ALG1: variants seen among roughly 807,000 people sequenced by gnomAD.
The protein encoded by ALG1 is ALG1 chitobiosyldiphosphodolichol beta-mannosyltransferase, also known as chitobiosyldiphosphodolichol beta-mannosyltransferase.
ALG1 carries 58 observed loss-of-function variants against 55.1 expected under a neutral mutation model. The ratio of observed to expected loss-of-function variants is 1.05; its 90% CI spans 0.85 to 1.31. The LOEUF (loss-of-function observed/expected upper bound fraction) is 1.31. Ranked by LOEUF, ALG1 falls within the 50% of genes most tolerant of loss-of-function variation. The pLI is 0.00. For synonymous variants in ALG1, 309 were observed against 247.0 expected, an observed-to-expected ratio of 1.25 and a Z score of -2.35; for missense variants, 761 against 598.6, an observed-to-expected ratio of 1.27 and a Z score of -2.83.
intron 9 of ALG1, among the ~76,000 whole-genome samples, chr16:5,080,710 G>A (rs773117863): frequency 2.0e-5 from 3 of 152,240 alleles, no homozygotes; most frequent in Non-Finnish European, 2.9e-5. Context: ...TTTGCAGCCC[G>A]AGGCCAGCTG....
intron 3 of ALG1, among the ~76,000 whole-genome samples, chr16:5,074,786 C>G (rs183269349): frequency 6.6e-6 from 1 of 152,148 alleles, no homozygotes; most frequent in Admixed American, 6.5e-5. Flanking sequence ...TGTTGTTAGA[C>G]CTTTTTAGAA....
At position 5,078,502 on chromosome 16, in the gene ALG1, G is replaced by A. The variant is rs537798675; in HGVS notation, c.741-255G>A. On this transcript the variant is annotated intron_variant, in intron 6 of 12. Transcript: ENST00000262374. ...TCCCTGCACCCTCATCTTGAGTCCA[G>A]GGGATGATAAGACAGTAAGTCCCGT... 5.1e-4 allele frequency: 371 copies of A among 721,944 alleles called. 3 individuals are homozygous for A. In the South Asian group the frequency reaches 5.3e-3, roughly 10 times the overall value. The allele number at this position is 721,944 out of a possible 1,614,324, so 44.7% of individuals were successfully genotyped here.
chr16:5,077,162 T>TA (rs909407222), intron 4 of ALG1, among the ~76,000 whole-genome samples: 4 of 152,196 alleles, frequency 2.6e-5, no homozygotes, highest in Non-Finnish European at 4.4e-5. Flanking sequence ...TTTATTTTTT[T>TA]AAATTTGTAT....
intron 5 of ALG1, 115 bp downstream of exon 5, chr16:5,077,649 G>C: frequency 8.5e-7 from 1 of 1,172,066 alleles, no homozygotes; most frequent in African/African-American, 1.5e-5. Flanking sequence ...AAATACTGAG[G>C]GCCTGGGAGG....
chr16:5,082,672 T>A lies in ALG1; in HGVS notation c.1186T>A (p.Cys396Ser). The change falls in exon 11 of 13, where the codon TGT (cysteine) becomes AGT (serine). Residue 396 changes from cysteine (C) to serine (S), a missense_variant and splice_region_variant. Transcript: ENST00000262374. ...GCCTGTGTGTGCTGTGAACTTCAAGTGGTAGGAGCAGAACCCAAATCCTTC... is the reference window on the plus strand; with the variant it reads ...GCCTGTGTGTGCTGTGAACTTCAAGAGGTAGGAGCAGAACCCAAATCCTTC... ...CLPVCAVNFKCLHELVKHEEN... is the reference protein window; with the variant it reads ...CLPVCAVNFKSLHELVKHEEN... The A allele has an allele frequency of 6.2e-7, 1 of 1,611,304 alleles. No homozygotes were observed. The highest frequency in any genetic ancestry group is 8.5e-7 in the Non-Finnish European group (1 of 1,179,832).
At position 5,080,972 on chromosome 16, in the gene ALG1, A is replaced by G. The variant is rs764029645; in HGVS notation, c.988A>G (p.Ser330Gly). 1.3e-6 allele frequency: 2 copies of G among 1,596,356 alleles called. No individual in the cohort carries two copies. The highest frequency in any genetic ancestry group is 3.3e-5 in the Admixed American group (2 of 60,016). The change falls in exon 10 of 13, where the codon AGC (serine) becomes GGC (glycine). Residue 330 changes from serine (S) to glycine (G), a missense_variant. Coordinates refer to ENST00000262374, the MANE Select transcript of ALG1 (RefSeq NM_019109.5). The stretch of plus-strand genomic sequence containing the variant: ...CAAAGGGCCTCTGAGGGAGTATTAT[A>G]GCCGCCTCATCCACCAGAAGCACTT... ...TGKGPLREYYSRLIHQKHFQH... is the reference protein window; with the variant it reads ...TGKGPLREYYGRLIHQKHFQH...
At position 5,071,903 on chromosome 16, in the gene ALG1, G is replaced by A. The variant is rs1198064332; in HGVS notation, c.54G>A (p.Leu18=). ...CGCTGTGTCTGCTGCTGCCGCTGCT[G>A]CTGCTGGGAGGATGGAAGCGCTGGC... ...LLALCLLLPL[L]LLGGWKRWRR... is the part of the protein sequence containing the mutation. Residue 18 remains leucine (L), a synonymous_variant, in exon 1 of 13, where the codon CTG becomes CTA. Coordinates refer to ENST00000262374, the MANE Select transcript of ALG1 (RefSeq NM_019109.5). The A allele has an allele frequency of 1.3e-6, 2 of 1,599,622 alleles. No homozygotes were observed. Among genetic ancestry groups the A allele is most frequent in the South Asian group, 1.1e-5 (1 of 89,476 alleles).
rs1482144886 is a variant in ALG1, at chr16:5,086,696, A to G, written c.*1815A>G. 2 of 148,920 alleles carry G rather than the reference A, an allele frequency of 1.3e-5. No homozygotes were observed. Among genetic ancestry groups the G allele is most frequent in the Non-Finnish European group, 3.0e-5 (2 of 67,220 alleles). 9.2% of individuals were successfully genotyped at this position (148,920 alleles called of 1,614,324 possible). ...TCTTTTATTATTTGTTTTTAGACGA[A>G]GTTTTACTCTGTTCCCCAGGCTGGA... is the stretch of plus-strand genomic sequence containing the variant. On this transcript the variant is annotated 3_prime_UTR_variant, in exon 13 of 13. Transcript: ENST00000262374.
In ALG1 at chr16:5,079,522, C is replaced by G. The variant is rs184848278; in HGVS notation, c.902-226C>G. Reference sequence around the variant, plus strand: ...CTGGCCAACAGGGCGAAACCTGTCTCTACTAAAAATACAAAAATTAGCTAG... The same window carrying G: ...CTGGCCAACAGGGCGAAACCTGTCTGTACTAAAAATACAAAAATTAGCTAG... On this transcript the variant is annotated intron_variant, in intron 8 of 12. Coordinates refer to ENST00000262374, the MANE Select transcript of ALG1 (RefSeq NM_019109.5). 5.9e-4 allele frequency among the ~76,000 whole-genome samples: 90 copies of G among 152,274 alleles called. 1 individual carries two copies. Among genetic ancestry groups the G allele is most frequent in the African/African-American group, 2.0e-3 (83 of 41,548 alleles).
In ALG1 at chr16:5,085,857, A is replaced by C. The variant is rs886715765; in HGVS notation, c.*976A>C. 8 of 784,170 alleles carry C rather than the reference A, an allele frequency of 1.0e-5. No individual in the cohort carries two copies. The highest frequency in any genetic ancestry group is 1.6e-5 in the Non-Finnish European group (7 of 440,764). 48.6% of individuals were successfully genotyped at this position (784,170 alleles called of 1,614,324 possible). On this transcript the variant is annotated 3_prime_UTR_variant, in exon 13 of 13. Coordinates refer to ENST00000262374, the MANE Select transcript of ALG1 (RefSeq NM_019109.5). ...GTGTCCAAGTCAGTTTACTTGGTTCACAGGTTCCCAGGCCCACCCAGGTGC... is the reference window on the plus strand; with the variant it reads ...GTGTCCAAGTCAGTTTACTTGGTTCCCAGGTTCCCAGGCCCACCCAGGTGC...
rs756479307 is a variant in ALG1 at position 5,082,700 on chromosome 16, G to A, written c.1187+27G>A. 3 of 1,609,496 alleles carry A rather than the reference G, an allele frequency of 1.9e-6. No individual in the cohort carries two copies. In the South Asian group the frequency reaches 3.3e-5, roughly 18 times the overall value. On this transcript the variant is annotated intron_variant, in intron 11 of 12. Coordinates refer to ENST00000262374, the MANE Select transcript of ALG1 (RefSeq NM_019109.5). The stretch of plus-strand genomic sequence containing the variant: ...TAGGAGCAGAACCCAAATCCTTCTG[G>A]GGATAGCTTTGCAGATCCACCGCTG...
rs377600706 is a variant in ALG1 at position 5,077,465 on chromosome 16, G to T, written c.560G>T (p.Arg187Leu). 1 of 1,614,100 alleles carries T rather than the reference G, an allele frequency of 6.2e-7. No individual in the cohort carries two copies. The highest frequency in any genetic ancestry group is 8.5e-7 in the Non-Finnish European group (1 of 1,180,014). Residue 187 changes from arginine (R) to leucine (L), a missense_variant, in exon 5 of 13, where the codon CGC becomes CTC. Arg to Leu is a moderately radical substitution (Grantham distance 102). Transcript: ENST00000262374. ...TTCAGGTACGAGAAGTTCTTTGGGCGCCTGTCCCACCTGAACCTGTGTGTT... is the reference window on the plus strand; with the variant it reads ...TTCAGGTACGAGAAGTTCTTTGGGCTCCTGTCCCACCTGAACCTGTGTGTT... ...LAKWYEKFFG[R>L]LSHLNLCVTN...
chr16:5,077,139 C>T (rs547783696), intron 4 of ALG1, among the ~76,000 whole-genome samples: 3 of 152,270 alleles, frequency 2.0e-5, no homozygotes, highest in Non-Finnish European at 4.4e-5. Flanking sequence ...CAGTGATACA[C>T]AGTGTCCTTC....
At chr16:5,074,733 T>G (rs1473209669) in intron 3 of ALG1, among the ~76,000 whole-genome samples, 8 of 152,226 alleles carry the variant, frequency 5.3e-5, no homozygotes, top group Non-Finnish European at 7.4e-5. Flanking sequence ...TGGCCCCCGC[T>G]GAGTGGGGGT....
At position 5,071,845 on chromosome 16, in the gene ALG1, C is replaced by A; in HGVS notation, c.-5C>A. The A allele has an allele frequency of 6.2e-7, 1 of 1,603,348 alleles. No homozygotes were observed. Among genetic ancestry groups the A allele is most frequent in the Non-Finnish European group, 8.5e-7 (1 of 1,179,140 alleles). On this transcript the variant is annotated 5_prime_UTR_variant, in exon 1 of 13. Coordinates refer to ENST00000262374, the MANE Select transcript of ALG1 (RefSeq NM_019109.5). ...CGGTCACGTGACTGCTGCGGGCCAG[C>A]CAAGATGGCGGCCTCATGCTTGGTC...
At position 5,073,190 on chromosome 16, in the gene ALG1, A is replaced by C; in HGVS notation, c.324A>C (p.Val108=). 1.9e-6 allele frequency: 3 copies of C among 1,614,104 alleles called. No individual in the cohort carries two copies. Among genetic ancestry groups the C allele is most frequent in the Non-Finnish European group, 2.5e-6 (3 of 1,180,024 alleles). The change falls in exon 3 of 13, where the codon GTA becomes GTC. Residue 108 remains valine, a synonymous_variant. Transcript: ENST00000262374. ...PRVFQYGVKV[V]LQAMYLLWKL... is the part of the protein sequence containing the mutation. ...TTTTCCAGTACGGAGTCAAAGTTGT[A>C]CTTCAGGCTATGTACTTGCTGTGGA...
In ALG1 at chr16:5,072,026, C is replaced by T. The variant is rs369047852; in HGVS notation, c.177C>T (p.His59=). ...ACCACGCGCTGTCGTTGGCCATGCA[C>T]GGCTTCTCGGTGACCCTCCTGGGGT... ...MQYHALSLAM[H]GFSVTLLGFC... Residue 59 remains histidine (H), a synonymous_variant, in exon 1 of 13, where the codon CAC becomes CAT. Coordinates refer to ENST00000262374, the MANE Select transcript of ALG1 (RefSeq NM_019109.5). 7 of 1,594,902 alleles carry T rather than the reference C, an allele frequency of 4.4e-6. No homozygotes were observed. Among genetic ancestry groups the T allele is most frequent in the East Asian group, 4.5e-5 (2 of 43,996 alleles).
intron 3 of ALG1, among the ~76,000 whole-genome samples, chr16:5,073,590 C>T (rs1170857596): frequency 1.3e-5 from 2 of 152,232 alleles, no homozygotes; most frequent in African/African-American, 2.4e-5. Flanking sequence ...AAAACCTAGA[C>T]TGAGAAAGGC....
chr16:5,073,080 G>C lies in ALG1; in HGVS notation c.286+52G>C, dbSNP rs774004448. The C allele has an allele frequency of 5.6e-6, 9 of 1,611,824 alleles. No individual in the cohort carries two copies. In the South Asian group the frequency reaches 9.9e-5, roughly 18 times the overall value. On this transcript the variant is annotated intron_variant, in intron 2 of 12. Coordinates refer to ENST00000262374, the MANE Select transcript of ALG1 (RefSeq NM_019109.5). The stretch of plus-strand genomic sequence containing the variant: ...TCTGAATCCATGGGCTGGGGGCAGG[G>C]GGTGTTCGTTTGAAAAGCCGTGCAG...
Sources: gnomAD v4.1 joint callset for allele counts (sites outside exome capture counted in the v4.1 genomes callset) on GRCh38, gnomAD v4.1.1 for gene constraint, MANE v1.5 for transcripts, NCBI Gene and HGNC (gene_info 2026-07-23, HGNC 2026-07-21) for gene names.